ADAMTSL3: variants seen among roughly 807,000 people sequenced by gnomAD.
The protein encoded by ADAMTSL3 is ADAMTS like 3, also known as ADAMTS-like protein 3.
In ADAMTSL3, 128 loss-of-function variants were observed where a neutral mutation model predicts 201.7. That is an observed-to-expected ratio of 0.63 (90% confidence interval 0.55 to 0.73). The LOEUF is 0.73. Among genes scored for constraint, ADAMTSL3 ranks in the 30% least tolerant of loss-of-function variants. ADAMTSL3 has a pLI of 0.00. For synonymous variants in ADAMTSL3, 738 were observed against 748.4 expected, an observed-to-expected ratio of 0.99 and a Z score of 0.23; for missense variants, 1,990 against 2,119.6, an observed-to-expected ratio of 0.94 and a Z score of 1.20.
At chr15:83,859,364 C>T (rs1019971169) in intron 8 of ADAMTSL3, among the ~76,000 whole-genome samples, 1 of 152,168 alleles carries the variant, frequency 6.6e-6, no homozygotes, top group African/African-American at 2.4e-5. Context: ...CCTCCAGGTG[C>T]CTCAGGAAGA....
chr15:83,721,094 T>A (rs1021904529), intron 3 of ADAMTSL3, among the ~76,000 whole-genome samples: 2 of 152,236 alleles, frequency 1.3e-5, no homozygotes, highest in African/African-American at 2.4e-5. Flanking sequence ...CTGTCCAGCT[T>A]AGTTAGCAAT....
At chr15:83,923,342 T>C (rs541253322) in intron 16 of ADAMTSL3, among the ~76,000 whole-genome samples, 4 of 152,304 alleles carry the variant, frequency 2.6e-5, no homozygotes, top group African/African-American at 9.6e-5. Context: ...ACTTTCCAAA[T>C]AGGAGGTATT....
intron 5 of ADAMTSL3, among the ~76,000 whole-genome samples, chr15:83,809,193 C>G (rs61403653): frequency 0.027 from 4,173 of 152,124 alleles, 192 homozygotes; most frequent in African/African-American, 0.095. Context: ...ATGCTAATGA[C>G]CCTAATTTGT....
chr15:83,664,846 T>A (rs538100169), intron 2 of ADAMTSL3, among the ~76,000 whole-genome samples: 2 of 152,310 alleles, frequency 1.3e-5, no homozygotes, highest in African/African-American at 4.8e-5. Flanking sequence ...CTGGTTATGA[T>A]AGCTGTGCTT....
At chr15:84,002,615 A>G (rs546212204) in intron 23 of ADAMTSL3, among the ~76,000 whole-genome samples, 2 of 152,172 alleles carry the variant, frequency 1.3e-5, no homozygotes, top group Non-Finnish European at 2.9e-5. Context: ...GGGTAAACCA[A>G]TGGTTTTCAG....
chr15:83,743,519 CAAA>C (rs759218799), intron 3 of ADAMTSL3, among the ~76,000 whole-genome samples: 1 of 57,092 alleles, frequency 1.8e-5, no homozygotes, highest in Non-Finnish European at 3.8e-5. Flanking sequence ...GACTCCGTCT[CAAA>C]AAAAAAAAAA....
chr15:83,988,750 G>T lies in ADAMTSL3; in HGVS notation c.3776G>T (p.Gly1259Val), dbSNP rs2067528521. The change falls in exon 22 of 30, where the codon GGC becomes GTC. Residue 1259 changes from glycine (G) to valine (V), a missense_variant. Gly to Val is a moderately radical substitution (Grantham distance 109). Coordinates refer to ENST00000286744, the MANE Select transcript of ADAMTSL3 (RefSeq NM_207517.3). ...QIQNPTRKEQ[G>V]IYECSVANHL... ...CAGAATCCTACAAGGAAAGAACAAG[G>T]CATATATGAATGTTCTGTAGCTAAT... 6.2e-7 allele frequency: 1 copy of T among 1,609,520 alleles called. No individual in the cohort carries two copies. The highest frequency in any genetic ancestry group is 8.5e-7 in the Non-Finnish European group (1 of 1,177,210).
chr15:83,707,963 G>T (rs2061876583), intron 3 of ADAMTSL3, among the ~76,000 whole-genome samples: 1 of 152,204 alleles, frequency 6.6e-6, no homozygotes, highest in African/African-American at 2.4e-5. Flanking sequence ...CTGGGGAAAT[G>T]GTGGGGACAG....
intron 6 of ADAMTSL3, among the ~76,000 whole-genome samples, chr15:83,834,988 A>G (rs1426701887): frequency 3.3e-5 from 5 of 152,290 alleles, no homozygotes; most frequent in Non-Finnish European, 5.9e-5. Flanking sequence ...TAATCCCAGC[A>G]CTTTGGGAGG....
At chr15:83,915,660 C>T (rs566610919) in intron 16 of ADAMTSL3, among the ~76,000 whole-genome samples, 5 of 152,180 alleles carry the variant, frequency 3.3e-5, no homozygotes, top group Admixed American at 6.5e-5. Context: ...TGTCCTTAAG[C>T]AATCATACCC....
rs1423685245 is a variant in ADAMTSL3 at position 84,019,857 on chromosome 15, C to T, written c.4274-1553C>T. Among the ~76,000 whole-genome samples, 4 of 144,942 alleles carry T rather than the reference C, an allele frequency of 2.8e-5. No individual in the cohort carries two copies. In the East Asian group the frequency reaches 8.1e-4, roughly 30 times the overall value. On this transcript the variant is annotated intron_variant, in intron 25 of 29. Transcript: ENST00000286744. Reference sequence around the variant, plus strand: ...GCACTGAGCTGAGATCATGCCACCACACTCCAGCCTGGGTGACAGAGTGAG... The same window carrying T: ...GCACTGAGCTGAGATCATGCCACCATACTCCAGCCTGGGTGACAGAGTGAG...
At chr15:83,677,580 A>T (rs2061424129) in intron 2 of ADAMTSL3, among the ~76,000 whole-genome samples, 1 of 152,088 alleles carries the variant, frequency 6.6e-6, no homozygotes, top group Non-Finnish European at 1.5e-5. Flanking sequence ...CACTTCTTTT[A>T]AAAATTACTA....
intron 23 of ADAMTSL3, among the ~76,000 whole-genome samples, chr15:84,003,619 CT>C (rs2067839357): frequency 6.6e-6 from 1 of 152,182 alleles, no homozygotes; most frequent in Non-Finnish European, 1.5e-5. Flanking sequence ...AATTGGGAAG[CT>C]TTTCATACCA....
chr15:83,942,476 A>T, intron 17 of ADAMTSL3, 120 bp from the exon 18 acceptor site: 1 of 821,514 alleles, frequency 1.2e-6, no homozygotes, highest in Non-Finnish European at 1.9e-6. Context: ...TGACTGTAGA[A>T]TCTGTATACA....
At chr15:84,007,984 A>G (rs1048250656) in intron 23 of ADAMTSL3, among the ~76,000 whole-genome samples, 1 of 152,040 alleles carries the variant, frequency 6.6e-6, no homozygotes, top group Non-Finnish European at 1.5e-5. Context: ...CTTCAATTTC[A>G]TTTCTCTTCA....
chr15:83,884,232 G>A (rs1267716823), intron 9 of ADAMTSL3, among the ~76,000 whole-genome samples: 2 of 150,378 alleles, frequency 1.3e-5, no homozygotes, highest in Admixed American at 1.3e-4. Flanking sequence ...GACAAAAATT[G>A]TACATATTTA....
At chr15:83,837,428 A>G (rs1262900384) in intron 6 of ADAMTSL3, among the ~76,000 whole-genome samples, 6 of 152,206 alleles carry the variant, frequency 3.9e-5, no homozygotes, top group Non-Finnish European at 7.4e-5. Context: ...AGAGAATAGG[A>G]TAAGTGTAGG....
At chr15:83,764,497 G>T (rs890964300) in intron 3 of ADAMTSL3, among the ~76,000 whole-genome samples, 1 of 152,110 alleles carries the variant, frequency 6.6e-6, no homozygotes, top group Non-Finnish European at 1.5e-5. Context: ...ACTGCAGGGC[G>T]ACTGGAGAGA....
intron 4 of ADAMTSL3, among the ~76,000 whole-genome samples, chr15:83,783,396 A>G (rs1386373206): frequency 6.6e-6 from 1 of 152,136 alleles, no homozygotes; most frequent in Non-Finnish European, 1.5e-5. Flanking sequence ...GTAGATTTGA[A>G]CCCCAGAATA....
Sources: gnomAD v4.1 joint callset for allele counts (sites outside exome capture counted in the v4.1 genomes callset) on GRCh38, gnomAD v4.1.1 for gene constraint, MANE v1.5 for transcripts, NCBI Gene and HGNC (gene_info 2026-07-23, HGNC 2026-07-21) for gene names.